The following CABCOCO1 variants were observed in gnomAD, a reference collection of about 807,000 sequenced individuals.
CABCOCO1 encodes ciliary associated calcium binding coiled-coil 1.
CABCOCO1 carries 28 observed loss-of-function variants against 35.7 expected under a neutral mutation model. That is an observed-to-expected ratio of 0.78 (90% CI 0.58 to 1.07). CABCOCO1 has a LOEUF of 1.07. Ranked by LOEUF, CABCOCO1 falls within the 50% of genes least tolerant of loss-of-function variation. The pLI, the probability that CABCOCO1 is intolerant of heterozygous loss-of-function variation, is 0.00. For missense variants in CABCOCO1, 326 were observed against 309.2 expected (o/e 1.05, Z -0.41); for synonymous variants, 95 against 100.1 (o/e 0.95, Z 0.30).
intron 5 of CABCOCO1, among the ~76,000 whole-genome samples, chr10:61,703,937 C>T (rs185120566): frequency 6.6e-6 from 1 of 152,060 alleles, no homozygotes; most frequent in South Asian, 2.1e-4. Context: ...AAAGGTCAGG[C>T]GCAGTGGCTC....
chr10:61,738,831 T>C (rs1841482567), intron 5 of CABCOCO1, among the ~76,000 whole-genome samples: 1 of 152,210 alleles, frequency 6.6e-6, no homozygotes, highest in African/African-American at 2.4e-5. Flanking sequence ...TAAATTTTGG[T>C]CTATAAAAAA....
At chr10:61,669,024 A>AAAAAAAAAAAAAAAAAC (rs1839277518) in intron 1 of CABCOCO1, among the ~76,000 whole-genome samples, 1 of 150,476 alleles carries the variant, frequency 6.6e-6, no homozygotes, top group Non-Finnish European at 1.5e-5. Flanking sequence ...GTTGGGGAAA[A>AAAAAAAAAAAAAAAAAC]AAAAAAAAAC....
intron 5 of CABCOCO1, among the ~76,000 whole-genome samples, chr10:61,733,577 T>A (rs1381914972): frequency 6.6e-6 from 1 of 152,140 alleles, no homozygotes; most frequent in African/African-American, 2.4e-5. Flanking sequence ...TTTGTGCCCA[T>A]GAGAATGATT....
intron 5 of CABCOCO1, among the ~76,000 whole-genome samples, chr10:61,715,235 C>T (rs1840833009): frequency 6.6e-6 from 1 of 152,148 alleles, no homozygotes; most frequent in African/African-American, 2.4e-5. Flanking sequence ...GTTAGCTCTT[C>T]TTGTTGAATT....
intron 5 of CABCOCO1, among the ~76,000 whole-genome samples, chr10:61,727,147 G>A (rs536608006): frequency 6.6e-6 from 1 of 152,142 alleles, no homozygotes; most frequent in South Asian, 2.1e-4. Context: ...CTTCTTGAAG[G>A]CAGGATTATT....
At chr10:61,681,599 T>C (rs1415129310) in intron 3 of CABCOCO1, among the ~76,000 whole-genome samples, 3 of 152,144 alleles carry the variant, frequency 2.0e-5, no homozygotes, top group Middle Eastern at 3.2e-3. Flanking sequence ...GACTCTGTGG[T>C]ATTCTTGTGA....
intron 2 of CABCOCO1, among the ~76,000 whole-genome samples, chr10:61,678,286 G>A (rs1453424942): frequency 6.6e-6 from 1 of 152,024 alleles, no homozygotes; most frequent in Non-Finnish European, 1.5e-5. Context: ...CATTATTGTG[G>A]CAGTTTTCTT....
At chr10:61,725,116 C>G (rs1024790805) in intron 5 of CABCOCO1, among the ~76,000 whole-genome samples, 1 of 152,234 alleles carries the variant, frequency 6.6e-6, no homozygotes, top group East Asian at 1.9e-4. Flanking sequence ...ACAACAGGTG[C>G]TGGAGAGGAT....
chr10:61,744,918 C>T (rs935838822), intron 5 of CABCOCO1, among the ~76,000 whole-genome samples: 4 of 152,126 alleles, frequency 2.6e-5, no homozygotes, highest in Admixed American at 6.6e-5. Flanking sequence ...TCCAAATGTG[C>T]GCTATATTCT....
intron 2 of CABCOCO1, among the ~76,000 whole-genome samples, chr10:61,677,526 C>A (rs1166734771): frequency 6.6e-6 from 1 of 151,970 alleles, no homozygotes; most frequent in Non-Finnish European, 1.5e-5. Context: ...TTTTCCCAGT[C>A]TGCAGCTTGT....
At chr10:61,745,300 T>C (rs753617457) in intron 5 of CABCOCO1, among the ~76,000 whole-genome samples, 7 of 152,166 alleles carry the variant, frequency 4.6e-5, no homozygotes, top group Non-Finnish European at 1.0e-4. Flanking sequence ...TTTGACATGT[T>C]TTTATATTCC....
Position 61,760,922 on chromosome 10 carries a change from G to A in CABCOCO1, c.735G>A (p.Met245Ile). 1 of 1,612,642 alleles carries A rather than the reference G, an allele frequency of 6.2e-7. No homozygotes were observed. Among genetic ancestry groups the A allele is most frequent in the Non-Finnish European group, 8.5e-7 (1 of 1,179,092 alleles). Residue 245 changes from methionine (M) to isoleucine (I), a missense_variant, in exon 7 of 8, where the codon ATG becomes ATA. Met to Ile is a conservative substitution (Grantham distance 10). Coordinates refer to ENST00000648843, the MANE Select transcript of CABCOCO1 (RefSeq NM_001366906.2). ...ESQPETDTSDMDPLVGFTIED... is the reference protein window; with the variant it reads ...ESQPETDTSDIDPLVGFTIED... ...AGCCAGAAACTGACACCTCAGACAT[G>A]GATCCTTTAGTTGGTTTTACCATTG... is the stretch of plus-strand genomic sequence containing the variant.
At chr10:61,711,332 G>A (rs1319807596) in intron 5 of CABCOCO1, among the ~76,000 whole-genome samples, 1 of 151,866 alleles carries the variant, frequency 6.6e-6, no homozygotes, top group African/African-American at 2.4e-5. Flanking sequence ...TAAAAAGCAG[G>A]ATTGGTTTTA....
chr10:61,695,212 C>T (rs1840263057), intron 5 of CABCOCO1, among the ~76,000 whole-genome samples: 1 of 148,740 alleles, frequency 6.7e-6, no homozygotes. Flanking sequence ...TAGAAAAATA[C>T]AATAAAAATT....
At chr10:61,749,083 G>A (rs1841725811) in intron 5 of CABCOCO1, among the ~76,000 whole-genome samples, 1 of 152,028 alleles carries the variant, frequency 6.6e-6, no homozygotes, top group South Asian at 2.1e-4. Context: ...AATAATAAAA[G>A]CCACCAAAAT....
At chr10:61,700,826 G>A (rs986138834) in intron 5 of CABCOCO1, among the ~76,000 whole-genome samples, 17 of 152,056 alleles carry the variant, frequency 1.1e-4, no homozygotes, top group Admixed American at 3.9e-4. Context: ...TTGTACTTAC[G>A]ATGGAAAGTT....
intron 5 of CABCOCO1, among the ~76,000 whole-genome samples, chr10:61,699,253 C>T (rs1840376091): frequency 6.6e-6 from 1 of 152,148 alleles, no homozygotes; most frequent in African/African-American, 2.4e-5. Context: ...TATCAAACTT[C>T]ACTCCAGTCC....
At chr10:61,685,140 G>A (rs1241917203) in intron 3 of CABCOCO1, 1 of 152,080 alleles carries the variant, frequency 6.6e-6, no homozygotes, top group African/African-American at 2.4e-5. Context: ...CAGCTTACAT[G>A]AGTTATAAGT....
At chr10:61,751,189 C>A (rs907806052) in intron 5 of CABCOCO1, among the ~76,000 whole-genome samples, 4 of 145,230 alleles carry the variant, frequency 2.8e-5, no homozygotes, top group African/African-American at 1.0e-4. Context: ...TGCTTTGCTT[C>A]GCTCTGCTTT....
Sources: gnomAD v4.1 joint callset for allele counts (sites outside exome capture counted in the v4.1 genomes callset) on GRCh38, gnomAD v4.1.1 for gene constraint, MANE v1.5 for transcripts, NCBI Gene and HGNC (gene_info 2026-07-23, HGNC 2026-07-21) for gene names.